Variants in DRC7 observed in about 807,000 individuals in gnomAD.
The protein encoded by DRC7 is dynein regulatory complex subunit 7, also known as coiled-coil domain containing 135.
Under a neutral mutation model 104.4 loss-of-function variants are expected in DRC7, and 80 were observed. The observed-to-expected ratio is 0.77, with a 90% CI of 0.64 to 0.92. The LOEUF (loss-of-function observed/expected upper bound fraction) is 0.92. Ranked by LOEUF, DRC7 falls within the 40% of genes least tolerant of loss-of-function variation. The probability of loss-of-function intolerance (pLI) is 0.00; values close to 1 mark genes in which losing one functional copy is unlikely to be tolerated. For synonymous variants in DRC7, 405 were observed against 447.3 expected (o/e 0.91, Z 1.19); for missense variants, 1,034 against 1,141.1 (o/e 0.91, Z 1.35).
At chr16:57,723,539 G>A (rs1312821044) in intron 12 of DRC7, among the ~76,000 whole-genome samples, 2 of 152,006 alleles carry the variant, frequency 1.3e-5, no homozygotes, top group Non-Finnish European at 2.9e-5. Flanking sequence ...ACCAGCCTGG[G>A]CTATATGGTG....
intron 17 of DRC7, among the ~76,000 whole-genome samples, chr16:57,729,083 T>G (rs1423593724): frequency 6.7e-6 from 1 of 149,550 alleles, no homozygotes; most frequent in African/African-American, 2.5e-5. Context: ...GATGGATGAG[T>G]GGGTAGGTGG....
rs369302605 is a variant in DRC7 at position 57,730,945 on chromosome 16, G to C, written c.2406G>C (p.Leu802=). The change falls in exon 18 of 19, where the codon CTG becomes CTC. Residue 802 remains leucine (L), a synonymous_variant. Transcript: ENST00000360716. ...QARFEKETQE[L]QKKQQWYQEN... is the part of the protein sequence containing the mutation. ...TATGACCACAGGAGACCCAGGAGCT[G>C]CAAAAGAAGCAGCAGTGGTACCAGG... The C allele has an allele frequency of 6.2e-7, 1 of 1,613,378 alleles. No individual in the cohort carries two copies. The highest frequency in any genetic ancestry group is 2.2e-5 in the East Asian group (1 of 44,888).
chr16:57,731,310 C>T lies in DRC7; in HGVS notation c.*52C>T, dbSNP rs376019692. ...CTGCCAGAGAAAGGAAACCTCTTCC[C>T]GCAGCCTGGCTCCTGTGTTCCCTCT... On this transcript the variant is annotated 3_prime_UTR_variant, in exon 19 of 19. Coordinates refer to ENST00000360716, the MANE Select transcript of DRC7 (RefSeq NM_001289162.2). The T allele has an allele frequency of 7.9e-5, 113 of 1,429,076 alleles. 1 individual carries two copies. In the East Asian group the frequency reaches 1.3e-3, roughly 16 times the overall value. The allele number at this position is 1,429,076 out of a possible 1,614,324, so 88.5% of individuals were successfully genotyped here. A position where few individuals can be genotyped will look rare whatever the true frequency, so the allele number is the denominator to read the frequency against.
At position 57,706,402 on chromosome 16, in the gene DRC7, C is replaced by T. The variant is rs542591456; in HGVS notation, c.859-1058C>T. 9.7e-5 allele frequency among the ~76,000 whole-genome samples: 14 copies of T among 144,150 alleles called. No homozygotes were observed. In the East Asian group the frequency reaches 3.1e-3, roughly 32 times the overall value. The allele number at this position is 144,150 out of a possible 152,430, so 94.6% of individuals were successfully genotyped here. A position where few individuals can be genotyped will look rare whatever the true frequency, so the allele number is the denominator to read the frequency against. ...ATCCACCCTCCTACCCACTGTTCTC[C>T]CATCCATCCATTGTCCCACTCATCC... is the stretch of plus-strand genomic sequence containing the variant. On this transcript the variant is annotated intron_variant, in intron 7 of 18. Transcript: ENST00000360716.
At chr16:57,721,117 G>A (rs1428088057) in intron 9 of DRC7, among the ~76,000 whole-genome samples, 1 of 152,156 alleles carries the variant, frequency 6.6e-6, no homozygotes, top group East Asian at 1.9e-4. Flanking sequence ...TCAGGAGGCT[G>A]AGGCAGGAGA....
chr16:57,722,612 G>A lies in DRC7; in HGVS notation c.1280-101G>A. 2.0e-6 allele frequency: 3 copies of A among 1,507,690 alleles called. No individual in the cohort carries two copies. The South Asian group carries it at 3.6e-5, about 18-fold the overall frequency. The allele number at this position is 1,507,690 out of a possible 1,614,324, so 93.4% of individuals were successfully genotyped here. A position where few individuals can be genotyped will look rare whatever the true frequency, so the allele number is the denominator to read the frequency against. On this transcript the variant is annotated intron_variant, in intron 10 of 18. Transcript: ENST00000360716. ...TCAGGCTTGGGGCTGGAGGAGTTCA[G>A]TACACAGAGAACGGGCAGTGGATGG...
At chr16:57,722,638 A>T (rs2048915397) in intron 10 of DRC7, 75 bp from the exon 11 acceptor site, 1 of 1,588,728 alleles carries the variant, frequency 6.3e-7, no homozygotes, top group Non-Finnish European at 8.6e-7. Context: ...CAGTGGATGG[A>T]TGAATGGCTG....
intron 8 of DRC7, among the ~76,000 whole-genome samples, chr16:57,712,113 G>A (rs2048796258): frequency 6.6e-6 from 1 of 152,164 alleles, no homozygotes; most frequent in African/African-American, 2.4e-5. Context: ...AATAAACTAA[G>A]TTTCTCCCAA....
At chr16:57,711,733 G>A (rs2048793222) in intron 8 of DRC7, among the ~76,000 whole-genome samples, 1 of 152,216 alleles carries the variant, frequency 6.6e-6, no homozygotes, top group Non-Finnish European at 1.5e-5. Context: ...CGTGCATTCA[G>A]GGAGCAGAGT....
In DRC7 at chr16:57,731,778, T is replaced by C. The variant is rs539430135; in HGVS notation, c.*520T>C. The C allele has an allele frequency of 3.2e-5, 5 of 157,636 alleles. No individual in the cohort carries two copies. Among genetic ancestry groups the C allele is most frequent in the Non-Finnish European group, 7.0e-5 (5 of 71,786 alleles). The allele number at this position is 157,636 out of a possible 1,614,324, so 9.8% of individuals were successfully genotyped here. A position where few individuals can be genotyped will look rare whatever the true frequency, so the allele number is the denominator to read the frequency against. On this transcript the variant is annotated 3_prime_UTR_variant, in exon 19 of 19. Transcript: ENST00000360716. The stretch of plus-strand genomic sequence containing the variant: ...TACCCATCTGTGGAATGGGGTAGCA[T>C]TGTTGCATTAAATAAGACTTATGGC...
intron 5 of DRC7, 57 bp from the exon 6 acceptor site, chr16:57,701,879 G>C (rs2048661748): frequency 6.7e-7 from 1 of 1,483,944 alleles, no homozygotes; most frequent in Non-Finnish European, 9.3e-7. Flanking sequence ...TGACCGGTGG[G>C]GAGGACAGGC....
intron 6 of DRC7, among the ~76,000 whole-genome samples, chr16:57,702,744 G>A (rs535714981): frequency 8.5e-5 from 13 of 152,306 alleles, no homozygotes; most frequent in Middle Eastern, 3.4e-3. Flanking sequence ...AAAGGCTGCA[G>A]TGAACTGAGA....
intron 8 of DRC7, 107 bp downstream of exon 8, chr16:57,707,785 A>AC (rs2048749304): frequency 1.0e-6 from 1 of 1,000,130 alleles, no homozygotes; most frequent in Non-Finnish European, 1.5e-6. Context: ...ACACCAGGCC[A>AC]CGAGGGCTTT....
Position 57,707,686 on chromosome 16 carries a change from G to A in DRC7, c.1077+8G>A, listed in dbSNP as rs1313981638. On this transcript the variant is annotated splice_region_variant and intron_variant, in intron 8 of 18. Coordinates refer to ENST00000360716, the MANE Select transcript of DRC7 (RefSeq NM_001289162.2). Reference sequence around the variant, plus strand: ...TGCTGGAACTGCTGCAAGGTGCCTAGGGAGGGGGAGCTGGGTGGGTGTGGC... The same window carrying A: ...TGCTGGAACTGCTGCAAGGTGCCTAAGGAGGGGGAGCTGGGTGGGTGTGGC... The A allele has an allele frequency of 1.2e-6, 2 of 1,612,118 alleles. No individual in the cohort carries two copies. The highest frequency in any genetic ancestry group is 8.5e-7 in the Non-Finnish European group (1 of 1,179,364).
At chr16:57,722,880 CA>C in intron 11 of DRC7, 39 bp downstream of exon 11, 1 of 1,612,806 alleles carries the variant, frequency 6.2e-7, no homozygotes, top group Non-Finnish European at 8.5e-7. Flanking sequence ...CAGGCCAGCC[CA>C]GGGGCGGGGG....
intron 8 of DRC7, among the ~76,000 whole-genome samples, chr16:57,715,386 G>T (rs1356495892): frequency 1.3e-5 from 2 of 152,184 alleles, no homozygotes; most frequent in African/African-American, 4.8e-5. Context: ...CTTGGGGAAT[G>T]AATAAATAAG....
intron 8 of DRC7, 193 bp downstream of exon 8, chr16:57,707,871 C>T: frequency 1.6e-6 from 1 of 612,114 alleles, no homozygotes; most frequent in Non-Finnish European, 2.9e-6. Context: ...ATTATTGTCT[C>T]TCCTGATTTG....
intron 7 of DRC7, among the ~76,000 whole-genome samples, chr16:57,707,218 G>GC (rs1451384934): frequency 6.6e-6 from 1 of 152,196 alleles, no homozygotes; most frequent in African/African-American, 2.4e-5. Flanking sequence ...GATGCCCAGT[G>GC]CCCCAAAGAG....
chr16:57,716,240 C>T (rs1352157322), intron 8 of DRC7, among the ~76,000 whole-genome samples: 2 of 152,178 alleles, frequency 1.3e-5, no homozygotes, highest in Non-Finnish European at 2.9e-5. Flanking sequence ...CAGTGGCTCA[C>T]GCCTTTAATC....
Sources: gnomAD v4.1 joint callset for allele counts (sites outside exome capture counted in the v4.1 genomes callset) on GRCh38, gnomAD v4.1.1 for gene constraint, MANE v1.5 for transcripts, NCBI Gene and HGNC (gene_info 2026-07-23, HGNC 2026-07-21) for gene names.